Variants in MTHFD1 observed in about 807,000 individuals in gnomAD.
MTHFD1 encodes the protein C-1-tetrahydrofolate synthase, cytoplasmic.
A neutral mutation model predicts 110.3 loss-of-function variants in MTHFD1; 44 were observed. The observed-to-expected ratio is 0.40, with a 90% CI of 0.31 to 0.51. MTHFD1 has a LOEUF of 0.51. Among genes scored for constraint, MTHFD1 ranks in the 20% least tolerant of loss-of-function variants. The pLI is 0.60. For missense variants in MTHFD1, 909 were observed against 1,173.1 expected (o/e 0.77, Z 3.29); for synonymous variants, 402 against 428.8 (o/e 0.94, Z 0.77).
intron 1 of MTHFD1, among the ~76,000 whole-genome samples, chr14:64,391,681 T>A (rs2077806739): frequency 6.6e-6 from 1 of 152,216 alleles, no homozygotes; most frequent in African/African-American, 2.4e-5. Context: ...GTTGCCAAAT[T>A]ATCTTTCTTT....
intron 8 of MTHFD1, among the ~76,000 whole-genome samples, chr14:64,421,201 A>G (rs1210048338): frequency 6.6e-6 from 1 of 151,770 alleles, no homozygotes; most frequent in Non-Finnish European, 1.5e-5. Context: ...TGTGTATTGT[A>G]TCTTTTGTTG....
At chr14:64,406,015 A>AT (rs1177405671) in intron 2 of MTHFD1, among the ~76,000 whole-genome samples, 1 of 148,776 alleles carries the variant, frequency 6.7e-6, no homozygotes, top group Non-Finnish European at 1.5e-5. Flanking sequence ...GTGTGTGTAT[A>AT]TATATATATA....
chr14:64,439,531 G>A (rs2078231999), intron 17 of MTHFD1, among the ~76,000 whole-genome samples: 1 of 152,160 alleles, frequency 6.6e-6, no homozygotes, highest in Non-Finnish European at 1.5e-5. Flanking sequence ...GAAACAATAA[G>A]CGCATGATTA....
rs377481249 is a variant in MTHFD1, at chr14:64,458,209, C to G, written c.2719-5C>G. On this transcript the variant is annotated splice_polypyrimidine_tract_variant and splice_region_variant and intron_variant, in intron 26 of 27. Transcript: ENST00000652337. ...GTTTATTTGTAATGCTTTTTTACAT[C>G]CTAGATGAGCACAATGCCTGGACTC... 1.2e-6 allele frequency: 2 copies of G among 1,601,616 alleles called. No individual in the cohort carries two copies. The highest frequency in any genetic ancestry group is 2.7e-5 in the African/African-American group (2 of 74,580).
chr14:64,415,396 T>C lies in MTHFD1; in HGVS notation c.279T>C (p.Thr93=), dbSNP rs200736880. 1.9e-6 allele frequency: 3 copies of C among 1,611,460 alleles called. No homozygotes were observed. The highest frequency in any genetic ancestry group is 1.3e-5 in the African/African-American group (1 of 74,902). ...TTACATCTTTGAATGAAGACTCTAC[T>C]GTACATGGGTTCTTAGTGCAGCTAC... ...KYITSLNEDS[T]VHGFLVQLPL... Residue 93 remains threonine, a synonymous_variant, in exon 5 of 28, where the codon ACT becomes ACC. Coordinates refer to ENST00000652337, the MANE Select transcript of MTHFD1 (RefSeq NM_005956.4).
At chr14:64,457,460 T>A (rs1325386175) in intron 26 of MTHFD1, among the ~76,000 whole-genome samples, 1 of 92,250 alleles carries the variant, frequency 1.1e-5, no homozygotes, top group African/African-American at 4.1e-5. Context: ...TTTCTTTTCC[T>A]TTTTTTTTTT....
At chr14:64,400,673 A>G (rs2077888785) in intron 1 of MTHFD1, 120 bp from the exon 2 acceptor site, 1 of 727,272 alleles carries the variant, frequency 1.4e-6, no homozygotes, top group Non-Finnish European at 2.5e-6. Flanking sequence ...TGGGTGACAG[A>G]GCGAGACCCT....
intron 2 of MTHFD1, among the ~76,000 whole-genome samples, chr14:64,402,686 G>C (rs1488488492): frequency 6.6e-6 from 1 of 151,990 alleles, no homozygotes; most frequent in African/African-American, 2.4e-5. Context: ...GTCGTATAGA[G>C]GTGTGGTCCC....
At chr14:64,433,922 C>T (rs529352294) in intron 15 of MTHFD1, among the ~76,000 whole-genome samples, 15 of 151,898 alleles carry the variant, frequency 9.9e-5, no homozygotes, top group African/African-American at 3.6e-4. Flanking sequence ...CCCAGCTACT[C>T]GAGAGGCTGA....
chr14:64,418,094 C>G, intron 7 of MTHFD1, 70 bp downstream of exon 7: 1 of 1,567,392 alleles, frequency 6.4e-7, no homozygotes, highest in Admixed American at 1.7e-5. Context: ...CTGCCATGTC[C>G]TTTACACTCA....
chr14:64,397,109 A>C (rs2077857023), intron 1 of MTHFD1, among the ~76,000 whole-genome samples: 1 of 17,044 alleles, frequency 5.9e-5, no homozygotes, highest in Non-Finnish European at 1.1e-4. Context: ...CGTCTCAAAA[A>C]AAAAAAAAAA....
intron 8 of MTHFD1, among the ~76,000 whole-genome samples, chr14:64,423,450 AGGCTGGAGT>A (rs1365611829): frequency 6.6e-6 from 1 of 152,036 alleles, no homozygotes; most frequent in Non-Finnish European, 1.5e-5. Flanking sequence ...CTTGTTGCCC[AGGCTGGAGT>A]GGAATGCTCA....
chr14:64,410,899 A>G (rs1566558815), intron 2 of MTHFD1, among the ~76,000 whole-genome samples, 191 bp from the exon 3 acceptor site: 1 of 152,056 alleles, frequency 6.6e-6, no homozygotes, highest in Non-Finnish European at 1.5e-5. Context: ...TGTTTAGGGG[A>G]GGGGCTGTAA....
intron 1 of MTHFD1, among the ~76,000 whole-genome samples, chr14:64,389,839 C>T (rs549513712): frequency 6.6e-6 from 1 of 152,136 alleles, no homozygotes; most frequent in Non-Finnish European, 1.5e-5. Flanking sequence ...TTTCCAGTGG[C>T]TTTTTGTTTT....
intron 2 of MTHFD1, 76 bp downstream of exon 2, chr14:64,400,953 T>C (rs1467074889): frequency 3.7e-6 from 4 of 1,074,308 alleles, no homozygotes; most frequent in African/African-American, 1.6e-5. Context: ...CTCCCTCTAC[T>C]TTCCTCCTTT....
At chr14:64,437,289 A>G (rs566457089) in intron 16 of MTHFD1, among the ~76,000 whole-genome samples, 6 of 152,206 alleles carry the variant, frequency 3.9e-5, no homozygotes, top group Non-Finnish European at 7.3e-5. Flanking sequence ...CCAATCTCTA[A>G]GATGAAAAAC....
At chr14:64,426,940 G>T (rs1315520735) in intron 11 of MTHFD1, among the ~76,000 whole-genome samples, 2 of 152,196 alleles carry the variant, frequency 1.3e-5, no homozygotes, top group South Asian at 4.1e-4. Context: ...CTTACAGCAA[G>T]AAGAGCTAAA....
chr14:64,434,299 C>T (rs181680393), intron 15 of MTHFD1, among the ~76,000 whole-genome samples: 230 of 152,232 alleles, frequency 1.5e-3, no homozygotes, highest in Non-Finnish European at 2.8e-3. Context: ...GCCTGTAATC[C>T]CAGCACTTTG....
chr14:64,448,728 T>TAAC (rs1388731256), intron 23 of MTHFD1, among the ~76,000 whole-genome samples: 15 of 152,096 alleles, frequency 9.9e-5, no homozygotes, highest in African/African-American at 3.4e-4. Flanking sequence ...CTTGTGTGGG[T>TAAC]TGTTTAGGTA....
Sources: gnomAD v4.1 joint callset for allele counts (sites outside exome capture counted in the v4.1 genomes callset) on GRCh38, gnomAD v4.1.1 for gene constraint, MANE v1.5 for transcripts, NCBI Gene and HGNC (gene_info 2026-07-23, HGNC 2026-07-21) for gene names.